The following MSH3 variants were observed in gnomAD, a reference collection of about 807,000 sequenced individuals.
MSH3 encodes the protein DNA mismatch repair protein Msh3.
MSH3 carries 106 observed loss-of-function variants against 123.3 expected under a neutral mutation model. That is an observed-to-expected ratio of 0.86 (90% CI 0.73 to 1.01). MSH3 has a LOEUF of 1.01. Ranked by LOEUF, MSH3 falls within the 50% of genes least tolerant of loss-of-function variation. MSH3 has a pLI of 0.00. For synonymous variants in MSH3, 515 were observed against 481.4 expected, an observed-to-expected ratio of 1.07 and a Z score of -0.91; for missense variants, 1,459 against 1,347.6, an observed-to-expected ratio of 1.08 and a Z score of -1.29.
intron 12 of MSH3, among the ~76,000 whole-genome samples, chr5:80,757,497 A>G (rs903295039): frequency 2.6e-5 from 4 of 152,140 alleles, no homozygotes; most frequent in South Asian, 2.1e-4. Flanking sequence ...TTTATCTTCA[A>G]ATGTGAAGGA....
intron 17 of MSH3, 144 bp downstream of exon 17, chr5:80,778,980 C>CTTTTTTTTTTTTTTT (rs1366541253): frequency 2.8e-6 from 1 of 362,268 alleles, no homozygotes; most frequent in African/African-American, 2.4e-5. Context: ...GATTTTATTT[C>CTTTTTTTTTTTTTTT]TTTTTTTTTT....
intron 18 of MSH3, among the ~76,000 whole-genome samples, chr5:80,787,942 C>T: frequency 6.6e-6 from 1 of 152,070 alleles, no homozygotes; most frequent in Admixed American, 6.5e-5. Flanking sequence ...TTAGCTTTTA[C>T]TTGAACACTT....
chr5:80,754,739 TC>T (rs1337966770), intron 12 of MSH3, among the ~76,000 whole-genome samples: 3 of 152,218 alleles, frequency 2.0e-5, no homozygotes, highest in Admixed American at 2.0e-4. Flanking sequence ...TGCATGACTT[TC>T]TGATGTACTA....
intron 13 of MSH3, among the ~76,000 whole-genome samples, chr5:80,762,277 T>C (rs1020561276): frequency 6.6e-6 from 1 of 152,090 alleles, no homozygotes; most frequent in Admixed American, 6.6e-5. Context: ...TTTTAAATGA[T>C]AAAACACTAT....
In MSH3 at chr5:80,832,511, C is replaced by G. The variant is rs370681285; in HGVS notation, c.2813+18770C>G. ...GTGCAAGCCTGCAATCCTAGCTACT[C>G]AGGAGGCTGTGGCAGGAGAATCTCT... On this transcript the variant is annotated intron_variant, in intron 20 of 23. Transcript: ENST00000265081. 1.2e-4 allele frequency among the ~76,000 whole-genome samples: 18 copies of G among 151,988 alleles called. No homozygotes were observed. The South Asian group carries it at 3.7e-3, about 32-fold the overall frequency.
chr5:80,789,501 G>A (rs1285372281), intron 18 of MSH3, among the ~76,000 whole-genome samples: 1 of 151,982 alleles, frequency 6.6e-6, no homozygotes, highest in African/African-American at 2.4e-5. Context: ...CCCCTGAGTA[G>A]CTGAGATTAC....
chr5:80,671,138 T>C (rs1054898545), intron 4 of MSH3, among the ~76,000 whole-genome samples: 2 of 147,952 alleles, frequency 1.4e-5, no homozygotes, highest in East Asian at 2.0e-4. Flanking sequence ...AAAAAAAAAA[T>C]TGGGATTGTA....
intron 18 of MSH3, among the ~76,000 whole-genome samples, chr5:80,792,304 G>A (rs763590911): frequency 2.0e-5 from 3 of 151,914 alleles, no homozygotes; most frequent in African/African-American, 4.8e-5. Context: ...AGAAGCTGAG[G>A]CAAGAGGATC....
intron 22 of MSH3, among the ~76,000 whole-genome samples, chr5:80,869,080 G>C (rs563138524): frequency 6.6e-6 from 1 of 152,256 alleles, no homozygotes; most frequent in African/African-American, 2.4e-5. Flanking sequence ...AAACAGTTAA[G>C]AAACCTGTGT....
At chr5:80,792,674 G>GT (rs144568488) in intron 18 of MSH3, 59 bp from the exon 19 acceptor site, 51,016 of 710,762 alleles carry the variant, frequency 0.072, 2 homozygotes, top group South Asian at 0.087. Flanking sequence ...CTATCTTAGA[G>GT]TTTTTTTTTT....
At chr5:80,700,383 G>T (rs1418530085) in intron 8 of MSH3, among the ~76,000 whole-genome samples, 1 of 152,160 alleles carries the variant, frequency 6.6e-6, no homozygotes, top group Non-Finnish European at 1.5e-5. Flanking sequence ...AATTCTGGTA[G>T]TAGAGATGGT....
intron 21 of MSH3, among the ~76,000 whole-genome samples, chr5:80,856,633 A>G (rs1052632452): frequency 6.6e-6 from 1 of 152,030 alleles, no homozygotes; most frequent in Non-Finnish European, 1.5e-5. Context: ...ACACACCAAC[A>G]TGGCACATGT....
chr5:80,742,959 C>T (rs1413027005), intron 11 of MSH3, among the ~76,000 whole-genome samples: 2 of 151,970 alleles, frequency 1.3e-5, no homozygotes, highest in African/African-American at 4.8e-5. Context: ...ATCAAAATAC[C>T]CTTCAAAATT....
At chr5:80,780,278 T>G (rs1360327136) in intron 17 of MSH3, among the ~76,000 whole-genome samples, 3 of 152,162 alleles carry the variant, frequency 2.0e-5, no homozygotes, top group Non-Finnish European at 4.4e-5. Context: ...TGGGAAGAGA[T>G]GTACACAGTT....
intron 11 of MSH3, 44 bp from the exon 12 acceptor site, chr5:80,744,462 A>G: frequency 7.2e-7 from 1 of 1,389,836 alleles, no homozygotes. Flanking sequence ...ATTTGGCACA[A>G]ATAATTGTCT....
chr5:80,844,764 T>A (rs1257566957), intron 20 of MSH3, among the ~76,000 whole-genome samples: 2 of 152,018 alleles, frequency 1.3e-5, no homozygotes, highest in African/African-American at 4.8e-5. Context: ...TAGATCTGCC[T>A]CCTTCCCTTT....
In MSH3 at chr5:80,842,582, G is replaced by C. The variant is rs945281262; in HGVS notation, c.2814-11548G>C. Among the ~76,000 whole-genome samples the C allele has an allele frequency of 2.6e-5, 4 of 151,958 alleles. No individual in the cohort carries two copies. The East Asian group carries it at 5.8e-4, about 22-fold the overall frequency. On this transcript the variant is annotated intron_variant, in intron 20 of 23. Transcript: ENST00000265081. ...ATTTGTTTGTGTCCTCTTTTATTTC[G>C]TTGAGCAGCGGTTTGTAGTTCTCCT... is the stretch of plus-strand genomic sequence containing the variant.
At chr5:80,743,512 G>T (rs1743654703) in intron 11 of MSH3, among the ~76,000 whole-genome samples, 1 of 152,070 alleles carries the variant, frequency 6.6e-6, no homozygotes, top group South Asian at 2.1e-4. Context: ...AGGTACTCTG[G>T]AAGTAGCTAC....
At chr5:80,778,980 CTTTTT>C in intron 17 of MSH3, 144 bp downstream of exon 17, 1 of 393,996 alleles carries the variant, frequency 2.5e-6, no homozygotes. Flanking sequence ...GATTTTATTT[CTTTTT>C]TTTTTTTTTT....
Sources: allele counts gnomAD v4.1 joint callset (sites outside exome capture counted in the v4.1 genomes callset), GRCh38; gene constraint gnomAD v4.1.1; transcripts MANE v1.5; gene names NCBI Gene and HGNC (gene_info 2026-07-23, HGNC 2026-07-21).